The following GALNS variants were observed in gnomAD, a reference collection of about 807,000 sequenced individuals.
The protein encoded by GALNS is N-acetylgalactosamine-6-sulfatase.
A neutral mutation model predicts 65.9 loss-of-function variants in GALNS; 65 were observed. The ratio of observed to expected loss-of-function variants is 0.99; its 90% confidence interval spans 0.81 to 1.21. The LOEUF is 1.21. GALNS is among the 50% of genes most tolerant of loss of function. The probability of loss-of-function intolerance (pLI) is 0.00; values close to 1 mark genes in which losing one functional copy is unlikely to be tolerated. For missense variants in GALNS, 776 were observed against 700.7 expected (o/e 1.11, Z -1.21); for synonymous variants, 346 against 288.9 (o/e 1.20, Z -2.00).
intron 2 of GALNS, 22 bp downstream of exon 2, chr16:88,842,684 G>T: frequency 1.2e-6 from 2 of 1,611,372 alleles, no homozygotes; most frequent in Non-Finnish European, 1.7e-6. Flanking sequence ...CCTTCCTGGG[G>T]GCGAGGGCCC....
chr16:88,833,306 A>G (rs1911712149), intron 8 of GALNS, among the ~76,000 whole-genome samples: 1 of 152,168 alleles, frequency 6.6e-6, no homozygotes, highest in Admixed American at 6.5e-5. Context: ...CCCTGCTCAC[A>G]GCAGCAGAGC....
At chr16:88,835,052 G>A (rs944606453) in intron 8 of GALNS, among the ~76,000 whole-genome samples, 161 bp downstream of exon 8, 1 of 152,194 alleles carries the variant, frequency 6.6e-6, no homozygotes, top group East Asian at 1.9e-4. Flanking sequence ...TGGGCCAGAA[G>A]GGCCTTGCTC....
At chr16:88,836,637 G>A (rs1262678351) in intron 5 of GALNS, among the ~76,000 whole-genome samples, 5 of 151,142 alleles carry the variant, frequency 3.3e-5, no homozygotes, top group African/African-American at 1.2e-4. Context: ...CTGGGTGACA[G>A]AGCAAGATCC....
At position 88,814,311 on chromosome 16, in the gene GALNS, T is replaced by G; in HGVS notation, c.*128A>C. ...GGCAGGTGGAATTGTGCAGTCCCCC[T>G]GCGTCTGCAGGTGCTGTCTGTCTGG... On this transcript the variant is annotated 3_prime_UTR_variant, in exon 14 of 14. Transcript: ENST00000268695. The G allele has an allele frequency of 9.6e-6, 12 of 1,249,024 alleles. No individual in the cohort carries two copies. The highest frequency in any genetic ancestry group is 4.0e-5 in the Admixed American group (2 of 50,520). 77.4% of individuals were successfully genotyped at this position (1,249,024 alleles called of 1,614,324 possible). A position where few individuals can be genotyped will look rare whatever the true frequency, so the allele number is the denominator to read the frequency against.
chr16:88,847,760 T>C (rs1368797040), intron 1 of GALNS, among the ~76,000 whole-genome samples: 15 of 152,216 alleles, frequency 9.9e-5, no homozygotes, highest in Admixed American at 9.2e-4. Flanking sequence ...TCACACACCA[T>C]GTAAGAACGT....
At chr16:88,840,889 A>G in intron 4 of GALNS, 103 bp downstream of exon 4, 1 of 924,138 alleles carries the variant, frequency 1.1e-6, no homozygotes, top group Non-Finnish European at 1.8e-6. Context: ...TTTCCCACCC[A>G]AGACACCCTC....
At chr16:88,841,770 G>A in intron 3 of GALNS, 127 bp downstream of exon 3, 1 of 829,084 alleles carries the variant, frequency 1.2e-6, no homozygotes. Context: ...AAGTCCCAGA[G>A]ACCCAGGCAC....
At chr16:88,841,871 G>T in intron 3 of GALNS, 26 bp downstream of exon 3, 1 of 1,602,402 alleles carries the variant, frequency 6.2e-7, no homozygotes, top group Non-Finnish European at 8.5e-7. Context: ...CCCCAAGGGT[G>T]TCCCTGGAGG....
At chr16:88,851,446 G>A (rs935792278) in intron 1 of GALNS, among the ~76,000 whole-genome samples, 11 of 152,186 alleles carry the variant, frequency 7.2e-5, no homozygotes, top group African/African-American at 1.7e-4. Flanking sequence ...CGTGATTGAC[G>A]CAGAAGACGG....
intron 6 of GALNS, 30 bp from the exon 7 acceptor site, chr16:88,835,879 A>T: frequency 2.5e-6 from 4 of 1,613,498 alleles, no homozygotes; most frequent in Non-Finnish European, 3.4e-6. Context: ...GTCGTCCTCC[A>T]GCCTCAGGCC....
chr16:88,836,010 C>T (rs1235889341), intron 6 of GALNS, among the ~76,000 whole-genome samples, 161 bp from the exon 7 acceptor site: 3 of 150,386 alleles, frequency 2.0e-5, no homozygotes, highest in Admixed American at 2.0e-4. Flanking sequence ...CCCACGCGTC[C>T]CACGGGGCGA....
chr16:88,819,616 T>C lies in GALNS; in HGVS notation c.1365-1492A>G, dbSNP rs944177069. 9.5e-4 allele frequency among the ~76,000 whole-genome samples: 144 copies of C among 152,306 alleles called. 3 individuals are homozygous for C. The highest frequency in any genetic ancestry group is 9.6e-4 in the East Asian group (5 of 5,182). On this transcript the variant is annotated intron_variant, in intron 12 of 13. Coordinates refer to ENST00000268695, the MANE Select transcript of GALNS (RefSeq NM_000512.5). ...GGTGAGACAGCAGCTCACTGCAGCC[T>C]TGACCTTCCAGGCTCAAGCGATCTT...
chr16:88,825,196 A>G (rs1369412626), intron 10 of GALNS, among the ~76,000 whole-genome samples: 146 of 30,974 alleles, frequency 4.7e-3, no homozygotes, highest in Non-Finnish European at 5.5e-3. Flanking sequence ...CTGGGTGTCT[A>G]GGGTGCCTGG....
chr16:88,856,517 C>T (rs1403400804), intron 1 of GALNS: 1 of 697,898 alleles, frequency 1.4e-6, no homozygotes, highest in East Asian at 2.7e-5. Context: ...CGGTGACCGC[C>T]GAGACCCCAC....
At chr16:88,823,299 C>T (rs8049457) in intron 11 of GALNS, among the ~76,000 whole-genome samples, 4,957 of 152,280 alleles carry the variant, frequency 0.033, 264 homozygotes, top group African/African-American at 0.11. Flanking sequence ...AAAAACAGAC[C>T]CAGGGAGCTG....
At chr16:88,855,089 T>G in intron 1 of GALNS, 1 of 444,430 alleles carries the variant, frequency 2.3e-6, no homozygotes, top group East Asian at 5.9e-5. Context: ...AATTCCCTAT[T>G]TACCGGGAGC....
rs550594450 is a variant in GALNS, at chr16:88,826,969, C to A, written c.1003-131G>T. On this transcript the variant is annotated intron_variant, in intron 9 of 13. Transcript: ENST00000268695. ...AGATATGCATACATGCTCACACGCC[C>A]ACAGCAGGGACTGAGCGGGGTCACA... The A allele has an allele frequency of 4.2e-5, 47 of 1,122,412 alleles. No individual in the cohort carries two copies. In the East Asian group the frequency reaches 1.2e-3, roughly 29 times the overall value. 69.5% of individuals were successfully genotyped at this position (1,122,412 alleles called of 1,614,324 possible). A position where few individuals can be genotyped will look rare whatever the true frequency, so the allele number is the denominator to read the frequency against.
At chr16:88,835,953 C>T (rs1912086358) in intron 6 of GALNS, 104 bp from the exon 7 acceptor site, 2 of 1,557,714 alleles carry the variant, frequency 1.3e-6, no homozygotes, top group Non-Finnish European at 8.8e-7. Flanking sequence ...TTGGTGCGGT[C>T]CCCGTCCCCA....
chr16:88,844,013 G>A (rs1967116682), intron 1 of GALNS: 1 of 152,540 alleles, frequency 6.6e-6, no homozygotes, highest in Middle Eastern at 3.4e-3. Flanking sequence ...AGGGCCTGCT[G>A]ATGAGTACCG....
Sources: gnomAD v4.1 joint callset for allele counts (sites outside exome capture counted in the v4.1 genomes callset) on GRCh38, gnomAD v4.1.1 for gene constraint, MANE v1.5 for transcripts, NCBI Gene and HGNC (gene_info 2026-07-23, HGNC 2026-07-21) for gene names.